KLHL14: variants seen among roughly 807,000 people sequenced by gnomAD.
The protein encoded by KLHL14 is kelch like family member 14.
KLHL14 carries 22 observed loss-of-function variants against 64.3 expected under a neutral mutation model. That is an observed-to-expected ratio of 0.34 (90% CI 0.24 to 0.49). KLHL14 has a LOEUF of 0.49. Among genes scored for constraint, KLHL14 ranks in the 20% least tolerant of loss-of-function variants. The pLI, the probability that KLHL14 is intolerant of heterozygous loss-of-function variation, is 0.99. For synonymous variants in KLHL14, 322 were observed against 333.4 expected (o/e 0.97, Z 0.37); for missense variants, 661 against 789.0 (o/e 0.84, Z 1.94).
At chr18:32,721,346 T>G (rs951017749) in intron 3 of KLHL14, among the ~76,000 whole-genome samples, 1 of 152,196 alleles carries the variant, frequency 6.6e-6, no homozygotes, top group Non-Finnish European at 1.5e-5. Context: ...TGTCTGCCAC[T>G]CTGATACCCC....
intron 7 of KLHL14, among the ~76,000 whole-genome samples, chr18:32,679,519 T>G (rs534260166): frequency 1.3e-5 from 2 of 152,234 alleles, no homozygotes; most frequent in African/African-American, 4.8e-5. Flanking sequence ...CATTCAGTGT[T>G]ACATGCATGC....
intron 7 of KLHL14, among the ~76,000 whole-genome samples, chr18:32,678,991 A>G (rs1216577380): frequency 6.6e-6 from 1 of 152,212 alleles, no homozygotes; most frequent in Non-Finnish European, 1.5e-5. Context: ...AAGTTAATAC[A>G]AAACATGTCG....
chr18:32,680,103 C>T lies in KLHL14; in HGVS notation c.1588+66G>A. 4 of 1,470,778 alleles carry T rather than the reference C, an allele frequency of 2.7e-6. No homozygotes were observed. Among genetic ancestry groups the T allele is most frequent in the Admixed American group, 1.8e-5 (1 of 55,340 alleles). The allele number at this position is 1,470,778 out of a possible 1,614,324, so 91.1% of individuals were successfully genotyped here. ...AACTATGATTATCTAAGGAGAAACC[C>T]CCTTAGCGAGAAATATGAGGTGCAA... On this transcript the variant is annotated intron_variant, in intron 7 of 8. Coordinates refer to ENST00000359358, the MANE Select transcript of KLHL14 (RefSeq NM_020805.3). This position sits in a 1 kb window ranked among gnomAD's most constrained non-coding sequence, Gnocchi z 4.8.
At chr18:32,748,211 TTATTTA>T (rs1453642861) in intron 2 of KLHL14, among the ~76,000 whole-genome samples, 1 of 152,114 alleles carries the variant, frequency 6.6e-6, no homozygotes, top group African/African-American at 2.4e-5. Context: ...ACTCTTATTT[TTATTTA>T]TTTTATTTTT....
chr18:32,685,491 A>G (rs2049872740), intron 5 of KLHL14, among the ~76,000 whole-genome samples: 1 of 152,172 alleles, frequency 6.6e-6, no homozygotes, highest in African/African-American at 2.4e-5. Flanking sequence ...ACTTTTTGGA[A>G]TAGTTTTGAT....
At chr18:32,748,430 C>T (rs971910403) in intron 2 of KLHL14, among the ~76,000 whole-genome samples, 26 of 151,772 alleles carry the variant, frequency 1.7e-4, no homozygotes, top group African/African-American at 6.3e-4. Flanking sequence ...AGCGCAGTGG[C>T]GCCATCTCTG....
At chr18:32,690,670 A>G (rs1410808553) in intron 4 of KLHL14, among the ~76,000 whole-genome samples, 1 of 152,184 alleles carries the variant, frequency 6.6e-6, no homozygotes, top group Non-Finnish European at 1.5e-5. Context: ...CGGAGGTTGC[A>G]GTGAGCCAAG....
At chr18:32,706,512 T>C (rs1011263114) in intron 3 of KLHL14, among the ~76,000 whole-genome samples, 1 of 152,216 alleles carries the variant, frequency 6.6e-6, no homozygotes, top group South Asian at 2.1e-4. Context: ...TATGAATATA[T>C]TTATGAATGA....
chr18:32,681,398 A>T (rs192698477), intron 5 of KLHL14, among the ~76,000 whole-genome samples: 485 of 152,268 alleles, frequency 3.2e-3, no homozygotes, highest in Admixed American at 5.6e-3. Context: ...TAGTAGAAGA[A>T]ATAGAAAGGG....
At position 32,680,163 on chromosome 18, in the gene KLHL14, A is replaced by T. The variant is rs764762238; in HGVS notation, c.1588+6T>A. Reference sequence around the variant, plus strand: ...TGACTAAAAAACAAAACAACAAAAAAAAGACCTTTCAAATGATTTCCTCCA... The same window carrying T: ...TGACTAAAAAACAAAACAACAAAAATAAGACCTTTCAAATGATTTCCTCCA... On this transcript the variant is annotated splice_donor_region_variant and intron_variant, in intron 7 of 8. Coordinates refer to ENST00000359358, the MANE Select transcript of KLHL14 (RefSeq NM_020805.3). This position sits in a 1 kb window ranked among gnomAD's most constrained non-coding sequence, Gnocchi z 4.8. 4 of 1,612,648 alleles carry T rather than the reference A, an allele frequency of 2.5e-6. No individual in the cohort carries two copies. In the South Asian group the frequency reaches 4.4e-5, roughly 18 times the overall value.
chr18:32,721,846 T>C (rs2050081401), intron 3 of KLHL14, among the ~76,000 whole-genome samples: 1 of 152,212 alleles, frequency 6.6e-6, no homozygotes, highest in Admixed American at 6.5e-5. Flanking sequence ...AATACCCACA[T>C]GACCTAAAAA....
chr18:32,713,011 A>C (rs1382528773), intron 3 of KLHL14, among the ~76,000 whole-genome samples: 1 of 151,940 alleles, frequency 6.6e-6, no homozygotes, highest in Non-Finnish European at 1.5e-5. Flanking sequence ...GCATGCTCCA[A>C]GAGCTTGCTT....
At chr18:32,737,756 AT>A (rs1183470214) in intron 3 of KLHL14, 1 of 152,096 alleles carries the variant, frequency 6.6e-6, no homozygotes, top group Non-Finnish European at 1.5e-5. Context: ...AGTTTCCTTT[AT>A]TTTCCATGAC....
intron 2 of KLHL14, among the ~76,000 whole-genome samples, chr18:32,756,826 A>T (rs2050284579): frequency 6.6e-6 from 1 of 152,216 alleles, no homozygotes; most frequent in South Asian, 2.1e-4. Context: ...CCTTCTCTAC[A>T]TGACTAGAAG....
chr18:32,747,085 C>T (rs1161835211), intron 2 of KLHL14, among the ~76,000 whole-genome samples: 2 of 152,118 alleles, frequency 1.3e-5, no homozygotes, highest in Admixed American at 6.6e-5. Flanking sequence ...TGAAATGAAT[C>T]TTAGGTTTTC....
rs1213688819 is a variant in KLHL14, at chr18:32,683,519, A to G, written c.1239-2920T>C. ...TGCCCCTCTTCGCCACATGAAGAAC[A>G]TATAAGGTTCAGGCTATTTTATTTT... On this transcript the variant is annotated intron_variant, in intron 5 of 8. Coordinates refer to ENST00000359358, the MANE Select transcript of KLHL14 (RefSeq NM_020805.3). The surrounding 1 kb of genome is among the most constrained non-coding windows in gnomAD (Gnocchi z 4.2). Among the ~76,000 whole-genome samples, 1 of 152,150 alleles carries G rather than the reference A, an allele frequency of 6.6e-6. No homozygotes were observed. Among genetic ancestry groups the G allele is most frequent in the African/African-American group, 2.4e-5 (1 of 41,420 alleles).
intron 3 of KLHL14, among the ~76,000 whole-genome samples, chr18:32,706,800 C>T (rs1316745026): frequency 3.3e-5 from 5 of 152,082 alleles, no homozygotes; most frequent in Admixed American, 3.3e-4. Context: ...CACCCTCCAC[C>T]CTAAAGATGA....
At chr18:32,724,197 TG>T (rs1278062476) in intron 3 of KLHL14, among the ~76,000 whole-genome samples, 2 of 152,184 alleles carry the variant, frequency 1.3e-5, no homozygotes, top group Non-Finnish European at 2.9e-5. Context: ...AGCGTGACCT[TG>T]ACAGGTCACT....
At chr18:32,755,557 A>AT (rs1436061310) in intron 2 of KLHL14, among the ~76,000 whole-genome samples, 1 of 151,972 alleles carries the variant, frequency 6.6e-6, no homozygotes, top group East Asian at 1.9e-4. Flanking sequence ...ATTTTTCCCC[A>AT]TTTTTTAAGA....
Sources: allele counts gnomAD v4.1 joint callset (sites outside exome capture counted in the v4.1 genomes callset), GRCh38; gene constraint gnomAD v4.1.1; non-coding constraint Gnocchi (gnomAD v3.1); transcripts MANE v1.5; gene names NCBI Gene and HGNC (gene_info 2026-07-23, HGNC 2026-07-21).